SOX5: variants seen among roughly 807,000 people sequenced by gnomAD.
SOX5 encodes the protein SRY-box transcription factor 5.
In SOX5, 9 loss-of-function variants were observed where a neutral mutation model predicts 92.0. The ratio of observed to expected loss-of-function variants is 0.10; its 90% CI spans 0.06 to 0.17. The LOEUF (loss-of-function observed/expected upper bound fraction) is 0.17. Among genes scored for constraint, SOX5 ranks in the 10% least tolerant of loss-of-function variants. The pLI, the probability that SOX5 is intolerant of heterozygous loss-of-function variation, is 1.00. For synonymous variants in SOX5, 344 were observed against 336.3 expected, an observed-to-expected ratio of 1.02 and a Z score of -0.25; for missense variants, 642 against 944.5, an observed-to-expected ratio of 0.68 and a Z score of 4.20.
intron 3 of SOX5, among the ~76,000 whole-genome samples, chr12:23,825,559 T>C (rs909723054): frequency 5.3e-5 from 8 of 152,186 alleles, no homozygotes; most frequent in Non-Finnish European, 7.4e-5. Context: ...TTATTTTATA[T>C]GTATGTGTTT....
intron 4 of SOX5, among the ~76,000 whole-genome samples, chr12:24,142,962 G>A (rs1950732087): frequency 6.6e-6 from 1 of 151,862 alleles, no homozygotes; most frequent in African/African-American, 2.4e-5. Flanking sequence ...CCCAAGGCAG[G>A]GAAAAGAGCC....
At chr12:24,398,710 A>T (rs916488937) in intron 1 of SOX5, among the ~76,000 whole-genome samples, 1 of 152,234 alleles carries the variant, frequency 6.6e-6, no homozygotes, top group Non-Finnish European at 1.5e-5. Flanking sequence ...CTGACAGGAG[A>T]GAACTTCTGT....
At chr12:23,762,137 T>A (rs2094577777) in intron 3 of SOX5, among the ~76,000 whole-genome samples, 1 of 152,132 alleles carries the variant, frequency 6.6e-6, no homozygotes, top group Admixed American at 6.6e-5. Context: ...TTTACATATC[T>A]GGAAAGCTAT....
rs1355565358 is a variant in SOX5, at chr12:23,561,779, G to C, written c.1488+1479C>G. Among the ~76,000 whole-genome samples the C allele has an allele frequency of 2.6e-5, 4 of 151,082 alleles. No individual in the cohort carries two copies. In the East Asian group the frequency reaches 7.8e-4, roughly 30 times the overall value. The stretch of plus-strand genomic sequence containing the variant: ...CAGCCAGCACTGGGGAAGAGAAGGG[G>C]GAGATAGGTAGAGTTGTCTCTGCTT... On this transcript the variant is annotated intron_variant, in intron 11 of 14. Transcript: ENST00000451604.
chr12:23,878,963 T>C (rs904848103), intron 2 of SOX5, among the ~76,000 whole-genome samples: 1 of 152,158 alleles, frequency 6.6e-6, no homozygotes, highest in Non-Finnish European at 1.5e-5. Context: ...GGGGTAGTAG[T>C]GAAGTTTGCC....
chr12:24,143,928 G>T (rs939329093), intron 4 of SOX5, among the ~76,000 whole-genome samples: 8 of 151,822 alleles, frequency 5.3e-5, no homozygotes, highest in African/African-American at 1.9e-4. Flanking sequence ...TGACTATATT[G>T]CTAAACAATT....
Position 23,718,949 on chromosome 12 carries a change from A to G in SOX5, c.810+15735T>C, listed in dbSNP as rs549662780. On this transcript the variant is annotated intron_variant, in intron 6 of 14. Coordinates refer to ENST00000451604, the MANE Select transcript of SOX5 (RefSeq NM_006940.6). The stretch of plus-strand genomic sequence containing the variant: ...TTCTAGGGATTTGATCAGAGAGAGA[A>G]GGAGAAATGGGGGAAGACATTATAC... Among the ~76,000 whole-genome samples, 20 of 152,318 alleles carry G rather than the reference A, an allele frequency of 1.3e-4. No individual in the cohort carries two copies. The South Asian group carries it at 3.9e-3, about 30-fold the overall frequency.
chr12:24,451,803 G>T (rs1448174513), intron 1 of SOX5, among the ~76,000 whole-genome samples: 1 of 152,184 alleles, frequency 6.6e-6, no homozygotes, highest in African/African-American at 2.4e-5. Flanking sequence ...CTACTGCATA[G>T]GGTTAGTATA....
chr12:23,817,823 T>C (rs2096026021), intron 3 of SOX5, among the ~76,000 whole-genome samples: 1 of 152,178 alleles, frequency 6.6e-6, no homozygotes, highest in African/African-American at 2.4e-5. Flanking sequence ...ATAGTTACTC[T>C]CCCAAAAGAC....
At chr12:24,472,312 A>G (rs1944901082) in intron 1 of SOX5, among the ~76,000 whole-genome samples, 1 of 152,196 alleles carries the variant, frequency 6.6e-6, no homozygotes, top group Non-Finnish European at 1.5e-5. Context: ...CAAGACCTGT[A>G]ACTACCTATC....
chr12:23,976,753 A>G (rs936429661), intron 4 of SOX5, among the ~76,000 whole-genome samples: 3 of 152,116 alleles, frequency 2.0e-5, no homozygotes, highest in African/African-American at 7.2e-5. Context: ...AGTCCCGCTG[A>G]TAACTCCCCT....
chr12:24,167,945 A>G (rs1006531218), intron 4 of SOX5, among the ~76,000 whole-genome samples: 3 of 152,228 alleles, frequency 2.0e-5, no homozygotes, highest in Non-Finnish European at 4.4e-5. Context: ...TCTCACTGCC[A>G]TCTGGCCCCC....
intron 6 of SOX5, among the ~76,000 whole-genome samples, chr12:23,706,358 G>A (rs1172906296): frequency 2.6e-5 from 4 of 151,976 alleles, no homozygotes; most frequent in Non-Finnish European, 5.9e-5. Context: ...CAACAAATAA[G>A]ATATTCAGTC....
At chr12:24,414,266 A>AT (rs948022974) in intron 1 of SOX5, among the ~76,000 whole-genome samples, 1 of 152,036 alleles carries the variant, frequency 6.6e-6, no homozygotes, top group African/African-American at 2.4e-5. Flanking sequence ...AGATCTTCCT[A>AT]TTTTTTTAGA....
At chr12:23,803,858 G>A (rs1168433340) in intron 3 of SOX5, among the ~76,000 whole-genome samples, 2 of 152,158 alleles carry the variant, frequency 1.3e-5, no homozygotes, top group Non-Finnish European at 2.9e-5. Flanking sequence ...ATTCCAGAAA[G>A]TGAGGGGTTA....
intron 7 of SOX5, among the ~76,000 whole-genome samples, chr12:23,647,943 T>C (rs1410643122): frequency 6.6e-6 from 1 of 152,230 alleles, no homozygotes; most frequent in Non-Finnish European, 1.5e-5. Flanking sequence ...TCCAGAACTT[T>C]TCCTTTGCAT....
Position 24,364,265 on chromosome 12 carries a change from T to C in SOX5, c.-174+4298A>G, listed in dbSNP as rs559357837. 4.6e-5 allele frequency among the ~76,000 whole-genome samples: 7 copies of C among 152,130 alleles called. No individual in the cohort carries two copies. In the South Asian group the frequency reaches 1.2e-3, roughly 27 times the overall value. On this transcript the variant is annotated intron_variant, in intron 2 of 4. Transcript: ENST00000446891. ...CCTTAAAAGCCCTTAAAATTAATAA[T>C]AGGAAATGTTTTTACAATTCACATC...
chr12:23,811,685 T>C (rs761732727), intron 3 of SOX5, among the ~76,000 whole-genome samples: 8 of 152,122 alleles, frequency 5.3e-5, no homozygotes, highest in Non-Finnish European at 1.0e-4. Flanking sequence ...TGGTCAAAAG[T>C]GGCATATATT....
intron 3 of SOX5, among the ~76,000 whole-genome samples, chr12:23,798,889 C>T (rs1594554984): frequency 2.0e-5 from 3 of 151,884 alleles, no homozygotes; most frequent in South Asian, 4.1e-4. Context: ...TATACATGTA[C>T]ATTTTCATAA....
Sources: allele counts gnomAD v4.1 joint callset (sites outside exome capture counted in the v4.1 genomes callset), GRCh38; gene constraint gnomAD v4.1.1; transcripts MANE v1.5; gene names NCBI Gene and HGNC (gene_info 2026-07-23, HGNC 2026-07-21).